FBH1: variants seen among roughly 807,000 people sequenced by gnomAD.
FBH1 encodes the protein F-box DNA helicase 1.
A neutral mutation model predicts 115.5 loss-of-function variants in FBH1; 43 were observed. That is an observed-to-expected ratio of 0.37 (90% CI 0.29 to 0.48). The LOEUF is 0.48. Ranked by LOEUF, FBH1 falls within the 20% of genes least tolerant of loss-of-function variation. FBH1 has a pLI of 0.99. For synonymous variants in FBH1, 524 were observed against 507.8 expected, an observed-to-expected ratio of 1.03 and a Z score of -0.43; for missense variants, 1,001 against 1,337.3, an observed-to-expected ratio of 0.75 and a Z score of 3.92.
At position 5,924,176 on chromosome 10, in the gene FBH1, C is replaced by A; in HGVS notation, c.2399-135C>A. ...AGGGACACACAGCGAGTTAGTGATG[C>A]AGTCAGGCCTGGAACCCGGGTCTCC... On this transcript the variant is annotated intron_variant, in intron 16 of 20. Transcript: ENST00000362091. The surrounding 1 kb of genome is among the most constrained non-coding windows in gnomAD (Gnocchi z 6.2). The A allele has an allele frequency of 1.3e-6, 1 of 745,668 alleles. No individual in the cohort carries two copies. Among genetic ancestry groups the A allele is most frequent in the Non-Finnish European group, 2.2e-6 (1 of 450,216 alleles). The allele number at this position is 745,668 out of a possible 1,614,324, so 46.2% of individuals were successfully genotyped here.
rs1045359153 is a variant in FBH1 at position 5,917,283 on chromosome 10, G to A, written c.1789-137G>A. 4.2e-5 allele frequency: 29 copies of A among 692,384 alleles called. No homozygotes were observed. In the South Asian group the frequency reaches 4.3e-4, roughly 10 times the overall value. The allele number at this position is 692,384 out of a possible 1,614,324, so 42.9% of individuals were successfully genotyped here. ...AGAGGCTGTTGAGGAGACCCAGGAG[G>A]TTAGGGTGGTGTCTGCGGTCCCCCT... On this transcript the variant is annotated intron_variant, in intron 10 of 20. Transcript: ENST00000362091. This position sits in a 1 kb window ranked among gnomAD's most constrained non-coding sequence, Gnocchi z 5.6.
intron 1 of FBH1, among the ~76,000 whole-genome samples, chr10:5,901,395 T>G (rs1405515026): frequency 2.0e-5 from 3 of 151,924 alleles, no homozygotes; most frequent in Admixed American, 6.6e-5. Context: ...TGACCTCAGG[T>G]GATCCACCCG....
Position 5,906,204 on chromosome 10 carries a change from G to T in FBH1, c.325G>T (p.Ala109Ser). Residue 109 changes from alanine to serine, a missense_variant, in exon 3 of 21, where the codon GCA (alanine) becomes TCA (serine). Ala to Ser is a moderately conservative substitution (Grantham distance 99). Around this residue, in one of 4 missense-constraint regions of FBH1, gnomAD observed 420 missense variants for 430.4 expected, o/e 0.98. Transcript: ENST00000362091. The surrounding 1 kb of genome is among the most constrained non-coding windows in gnomAD (Gnocchi z 7.3). Reference sequence around the variant, plus strand: ...CTGTGCACTGCCTCAGGAAGGCAGTGCAGGGCCGGGCTCACCAGGGTCTGC... The same window carrying T: ...CTGTGCACTGCCTCAGGAAGGCAGTTCAGGGCCGGGCTCACCAGGGTCTGC... ...SSCALPQEGSAGPGSPGSAPP... is the reference protein window; with the variant it reads ...SSCALPQEGSSGPGSPGSAPP... 1 of 1,613,012 alleles carries T rather than the reference G, an allele frequency of 6.2e-7. No individual in the cohort carries two copies. Among genetic ancestry groups the T allele is most frequent in the South Asian group, 1.1e-5 (1 of 91,068 alleles).
At chr10:5,926,822 G>A (rs182091949) in intron 18 of FBH1, among the ~76,000 whole-genome samples, 8 of 152,286 alleles carry the variant, frequency 5.3e-5, no homozygotes, top group African/African-American at 1.2e-4. Context: ...GCACGGCCTC[G>A]GGTCTGCTGT....
Position 5,915,645 on chromosome 10 carries a change from CAT to C in FBH1, c.1565+75_1565+76del, listed in dbSNP as rs1831881438. On this transcript the variant is annotated intron_variant, in intron 9 of 20. Transcript: ENST00000362091. This position sits in a 1 kb window ranked among gnomAD's most constrained non-coding sequence, Gnocchi z 5.2. ...TCTTACTGTTTTCCCGTGACGATCACATGTGAGCTTACACCACAGTGACCCCG... is the reference window on the plus strand; with the variant it reads ...TCTTACTGTTTTCCCGTGACGATCACGTGAGCTTACACCACAGTGACCCCG... 3 of 1,419,354 alleles carry C rather than the reference CAT, an allele frequency of 2.1e-6. No individual in the cohort carries two copies. Among genetic ancestry groups the C allele is most frequent in the East Asian group, 2.3e-5 (1 of 43,576 alleles). 87.9% of individuals were successfully genotyped at this position (1,419,354 alleles called of 1,614,324 possible).
At position 5,937,348 on chromosome 10, in the gene FBH1, A is replaced by AG. The variant is rs1833429681; in HGVS notation, c.*74dup. 1 of 1,415,622 alleles carries AG rather than the reference A, an allele frequency of 7.1e-7. No homozygotes were observed. Among genetic ancestry groups the AG allele is most frequent in the African/African-American group, 1.5e-5 (1 of 68,630 alleles). 87.7% of individuals were successfully genotyped at this position (1,415,622 alleles called of 1,614,324 possible). A position where few individuals can be genotyped will look rare whatever the true frequency, so the allele number is the denominator to read the frequency against. On this transcript the variant is annotated 3_prime_UTR_variant, in exon 21 of 21. Coordinates refer to ENST00000362091, the MANE Select transcript of FBH1 (RefSeq NM_178150.3). Reference sequence around the variant, plus strand: ...GGACCCCGCGTGAAGAAAGCCAGCGAGGGGGGCTTCTGCTCCCTGAGACTC... The same window carrying AG: ...GGACCCCGCGTGAAGAAAGCCAGCGAGGGGGGGCTTCTGCTCCCTGAGACTC...
chr10:5,912,781 C>G (rs895913475), intron 6 of FBH1, among the ~76,000 whole-genome samples: 29 of 152,250 alleles, frequency 1.9e-4, no homozygotes, highest in African/African-American at 6.8e-4. Context: ...CTAACATTAA[C>G]TACTTCCTTA....
rs774962372 is a variant in FBH1 at position 5,937,290 on chromosome 10, G to A, written c.*10G>A. 9.4e-6 allele frequency: 15 copies of A among 1,587,590 alleles called. No homozygotes were observed. The highest frequency in any genetic ancestry group is 5.2e-5 in the Admixed American group (3 of 57,586). On this transcript the variant is annotated 3_prime_UTR_variant, in exon 21 of 21. Coordinates refer to ENST00000362091, the MANE Select transcript of FBH1 (RefSeq NM_178150.3). ...CTTCCTCGTCTTCTGAGGACAAGGC[G>A]CACGTTCTCCGCAGTGCAGAGCAGC...
rs1457997925 is a variant in FBH1 at position 5,910,008 on chromosome 10, G to A, written c.1020+714G>A. 1.3e-5 allele frequency among the ~76,000 whole-genome samples: 2 copies of A among 152,178 alleles called. No homozygotes were observed. Among genetic ancestry groups the A allele is most frequent in the Non-Finnish European group, 2.9e-5 (2 of 68,026 alleles). ...AACTTAAGAATGGTAAAGGCTGGGC[G>A]TGGTGGCTCACGCCTGTTATCCCAG... On this transcript the variant is annotated intron_variant, in intron 5 of 20. Coordinates refer to ENST00000362091, the MANE Select transcript of FBH1 (RefSeq NM_178150.3). The surrounding 1 kb of genome is among the most constrained non-coding windows in gnomAD (Gnocchi z 4.8).
chr10:5,906,559 T>C lies in FBH1; in HGVS notation c.680T>C (p.Leu227Pro). 6.2e-7 allele frequency: 1 copy of C among 1,613,932 alleles called. No homozygotes were observed. Among genetic ancestry groups the C allele is most frequent in the Non-Finnish European group, 8.5e-7 (1 of 1,180,002 alleles). Reference sequence around the variant, plus strand: ...GTCCTGAGGCACGTGTTTGCCTTCCTCCCGGTGGAAGACCTCTATTGGAAC... The same window carrying C: ...GTCCTGAGGCACGTGTTTGCCTTCCCCCCGGTGGAAGACCTCTATTGGAAC... The part of the protein sequence containing the change: ...SEVLRHVFAF[L>P]PVEDLYWNLS... The change falls in exon 3 of 21, where the codon CTC (leucine) becomes CCC (proline). Residue 227 changes from leucine to proline, a missense_variant. Coordinates refer to ENST00000362091, the MANE Select transcript of FBH1 (RefSeq NM_178150.3). The surrounding 1 kb of genome is among the most constrained non-coding windows in gnomAD (Gnocchi z 7.3).
At chr10:5,898,326 G>A (rs1430803084) in intron 1 of FBH1, among the ~76,000 whole-genome samples, 1 of 152,166 alleles carries the variant, frequency 6.6e-6, no homozygotes, top group Non-Finnish European at 1.5e-5. Context: ...AGGAGTAAGG[G>A]AGCTCTCTGA....
Position 5,910,281 on chromosome 10 carries a change from CAAA to C in FBH1, c.1021-646_1021-644del, listed in dbSNP as rs375218808. Among the ~76,000 whole-genome samples, 2 of 134,760 alleles carry C rather than the reference CAAA, an allele frequency of 1.5e-5. No individual in the cohort carries two copies. Among genetic ancestry groups the C allele is most frequent in the Admixed American group, 7.4e-5 (1 of 13,464 alleles). 88.4% of individuals were successfully genotyped at this position (134,760 alleles called of 152,430 possible). A position where few individuals can be genotyped will look rare whatever the true frequency, so the allele number is the denominator to read the frequency against. ...TGTGTGACAGAGTCAGACTTTGTCT[CAAA>C]AAAAAAAAAAGATGAAGATCTGTGT... is the stretch of plus-strand genomic sequence containing the variant. On this transcript the variant is annotated intron_variant, in intron 5 of 20. Coordinates refer to ENST00000362091, the MANE Select transcript of FBH1 (RefSeq NM_178150.3). The surrounding 1 kb of genome is among the most constrained non-coding windows in gnomAD (Gnocchi z 4.8).
intron 1 of FBH1, chr10:5,893,962 C>CCTTT (rs1291983196): frequency 1.0e-6 from 1 of 981,324 alleles, no homozygotes; most frequent in African/African-American, 1.8e-5. Flanking sequence ...TTCAAACATT[C>CCTTT]CTTTCTTTCT....
intron 1 of FBH1, chr10:5,894,237 T>G (rs547172239): frequency 7.2e-7 from 1 of 1,388,366 alleles, no homozygotes; most frequent in Non-Finnish European, 9.3e-7. Context: ...CACAATATTT[T>G]GAAGTTTTTC....
rs1321522190 is a variant in FBH1 at position 5,895,091 on chromosome 10, G to C, written c.1+4745G>C. On this transcript the variant is annotated intron_variant, in intron 1 of 20. Coordinates refer to ENST00000362091, the MANE Select transcript of FBH1 (RefSeq NM_178150.3). The surrounding 1 kb of genome is among the most constrained non-coding windows in gnomAD (Gnocchi z 5.0). Reference sequence around the variant, plus strand: ...GACCTGTCAAGTGCCTGAGTCATGTGATAATGGGCTACATTGCGCAGGGCC... The same window carrying C: ...GACCTGTCAAGTGCCTGAGTCATGTCATAATGGGCTACATTGCGCAGGGCC... 6.2e-7 allele frequency: 1 copy of C among 1,613,924 alleles called. No individual in the cohort carries two copies. Among genetic ancestry groups the C allele is most frequent in the Non-Finnish European group, 8.5e-7 (1 of 1,179,910 alleles).
At chr10:5,927,621 T>A (rs1351062846) in intron 19 of FBH1, 80 bp downstream of exon 19, 1 of 1,074,272 alleles carries the variant, frequency 9.3e-7, no homozygotes, top group Non-Finnish European at 1.4e-6. Flanking sequence ...CCTGGAGCCT[T>A]CAGAGGCCTT....
rs1268108122 is a variant in FBH1, at chr10:5,918,225, C to T, written c.1964-117C>T. ...AGTGTGCCTGTCCTACAGGAAAAGG[C>T]GACCGTGAGGTCCAGTGTGCCCTGG... On this transcript the variant is annotated intron_variant, in intron 12 of 20. Coordinates refer to ENST00000362091, the MANE Select transcript of FBH1 (RefSeq NM_178150.3). This position sits in a 1 kb window ranked among gnomAD's most constrained non-coding sequence, Gnocchi z 4.0. 15 of 1,267,220 alleles carry T rather than the reference C, an allele frequency of 1.2e-5. No individual in the cohort carries two copies. Among genetic ancestry groups the T allele is most frequent in the Admixed American group, 4.8e-5 (2 of 41,442 alleles). 78.5% of individuals were successfully genotyped at this position (1,267,220 alleles called of 1,614,324 possible).
At position 5,914,287 on chromosome 10, in the gene FBH1, A is replaced by G; in HGVS notation, c.1396+18A>G. 1 of 1,608,768 alleles carries G rather than the reference A, an allele frequency of 6.2e-7. No homozygotes were observed. Among genetic ancestry groups the G allele is most frequent in the Non-Finnish European group, 8.5e-7 (1 of 1,175,006 alleles). ...CTTTGCCGGTAAGGGAGCCCACATC[A>G]GGTTCACGAGGTGGTGGTTTTCTGC... On this transcript the variant is annotated intron_variant, in intron 8 of 20. Coordinates refer to ENST00000362091, the MANE Select transcript of FBH1 (RefSeq NM_178150.3). The surrounding 1 kb of genome is among the most constrained non-coding windows in gnomAD (Gnocchi z 5.2).
rs949207716 is a variant in FBH1, at chr10:5,914,119, A to G, written c.1305-59A>G. 9 of 1,536,862 alleles carry G rather than the reference A, an allele frequency of 5.9e-6. No homozygotes were observed. The highest frequency in any genetic ancestry group is 1.7e-5 in the Admixed American group (1 of 59,826). ...TGTATGTTTGGTTTTTGGACTGTCT[A>G]TCCCCTGGACTTTTCACGTCTTTCT... On this transcript the variant is annotated intron_variant, in intron 7 of 20. Transcript: ENST00000362091. The surrounding 1 kb of genome is among the most constrained non-coding windows in gnomAD (Gnocchi z 5.2).
Sources: allele counts gnomAD v4.1 joint callset (sites outside exome capture counted in the v4.1 genomes callset), GRCh38; gene constraint gnomAD v4.1.1; regional missense constraint gnomAD v4.1.1; non-coding constraint Gnocchi (gnomAD v3.1); transcripts MANE v1.5; gene names NCBI Gene and HGNC (gene_info 2026-07-23, HGNC 2026-07-21).